The following PAPOLG variants were observed in gnomAD, a reference collection of about 807,000 sequenced individuals.
PAPOLG encodes poly(A) polymerase gamma, also known as PAP-gamma.
A neutral mutation model predicts 99.0 loss-of-function variants in PAPOLG; 40 were observed. That is an observed-to-expected ratio of 0.40 (90% confidence interval 0.31 to 0.53). The LOEUF is 0.53. Among genes scored for constraint, PAPOLG ranks in the 20% least tolerant of loss-of-function variants. The probability of loss-of-function intolerance (pLI) is 0.41; values close to 1 mark genes in which losing one functional copy is unlikely to be tolerated. For missense variants in PAPOLG, 675 were observed against 884.1 expected (o/e 0.76, Z 3.00); for synonymous variants, 310 against 299.3 (o/e 1.04, Z -0.37).
intron 6 of PAPOLG, 63 bp downstream of exon 6, chr2:60,770,574 T>A: frequency 1.8e-6 from 2 of 1,100,020 alleles, no homozygotes; most frequent in Non-Finnish European, 2.6e-6. Context: ...GTTTGTTTTC[T>A]GAAATCAGGC....
chr2:60,784,467 A>G (rs1219545309), intron 13 of PAPOLG, among the ~76,000 whole-genome samples: 1 of 152,186 alleles, frequency 6.6e-6, no homozygotes, highest in African/African-American at 2.4e-5. Flanking sequence ...TGCCTCTACT[A>G]TATTCACATC....
At chr2:60,777,665 T>G (rs1203032438) in intron 8 of PAPOLG, among the ~76,000 whole-genome samples, 1 of 152,194 alleles carries the variant, frequency 6.6e-6, no homozygotes, top group East Asian at 1.9e-4. Context: ...TTTTCTAGTT[T>G]TTGATTTAAA....
intron 1 of PAPOLG, among the ~76,000 whole-genome samples, chr2:60,757,020 A>G (rs77149639): frequency 0.014 from 2,129 of 152,040 alleles, 37 homozygotes; most frequent in Middle Eastern, 0.048. Context: ...CCTACCCACA[A>G]CATCTACCGG....
intron 3 of PAPOLG, 83 bp downstream of exon 3, chr2:60,761,890 G>T: frequency 2.0e-6 from 2 of 995,624 alleles, no homozygotes; most frequent in Non-Finnish European, 3.1e-6. Flanking sequence ...GTGTTGAGAA[G>T]TATCTGAAAT....
At chr2:60,761,277 T>TTAA (rs1315715868) in intron 2 of PAPOLG, among the ~76,000 whole-genome samples, 1 of 152,216 alleles carries the variant, frequency 6.6e-6, no homozygotes, top group Non-Finnish European at 1.5e-5. Context: ...ATAAGTTGTT[T>TTAA]TAATAATACC....
intron 14 of PAPOLG, 181 bp from the exon 15 acceptor site, chr2:60,787,330 C>T (rs1222182947): frequency 1.4e-5 from 5 of 355,858 alleles, no homozygotes; most frequent in Non-Finnish European, 1.6e-5. Context: ...CTTAATCCTT[C>T]TCAGAACAAC....
chr2:60,780,584 C>A (rs1302023822), intron 9 of PAPOLG, 123 bp from the exon 10 acceptor site: 2 of 1,049,324 alleles, frequency 1.9e-6, no homozygotes, highest in Non-Finnish European at 2.8e-6. Context: ...CCTTTTTTTC[C>A]TTTAATACCA....
At chr2:60,768,228 A>G (rs527897838) in intron 3 of PAPOLG, among the ~76,000 whole-genome samples, 1 of 152,260 alleles carries the variant, frequency 6.6e-6, no homozygotes, top group Admixed American at 6.5e-5. Context: ...CAGCCTACCA[A>G]GCAGCTGGGA....
intron 15 of PAPOLG, 25 bp from the exon 16 acceptor site, chr2:60,791,736 A>T: frequency 6.4e-7 from 1 of 1,574,456 alleles, no homozygotes. Flanking sequence ...GAAGTTTCCC[A>T]TTTAACATAT....
intron 3 of PAPOLG, among the ~76,000 whole-genome samples, chr2:60,764,696 G>A (rs1359279421): frequency 6.6e-6 from 1 of 152,122 alleles, no homozygotes; most frequent in Non-Finnish European, 1.5e-5. Flanking sequence ...AAAGTGCTAG[G>A]ATTATAGGCA....
At chr2:60,787,107 G>A in intron 14 of PAPOLG, 41 bp downstream of exon 14, 1 of 1,483,442 alleles carries the variant, frequency 6.7e-7, no homozygotes, top group Non-Finnish European at 9.1e-7. Flanking sequence ...CTTAAATAAT[G>A]TTATTTGGTA....
At chr2:60,776,302 C>T (rs972884200) in intron 8 of PAPOLG, among the ~76,000 whole-genome samples, 2 of 151,578 alleles carry the variant, frequency 1.3e-5, no homozygotes. Context: ...ACCATGCTGT[C>T]AACAGCTGTG....
intron 15 of PAPOLG, among the ~76,000 whole-genome samples, chr2:60,791,293 A>G (rs1027630890): frequency 1.3e-5 from 2 of 151,806 alleles, no homozygotes; most frequent in African/African-American, 4.8e-5. Context: ...GCTTACGCCT[A>G]TAATCCCACC....
rs771418845 is a variant in PAPOLG, at chr2:60,771,623, C to G, written c.597C>G (p.Ser199Arg). Reference sequence around the variant, plus strand: ...GCCTTGATATAAGGTGTATTCGCAGCTTAAATGGTAAGCTTCTAAAAAGAA... The same window carrying G: ...GCCTTGATATAAGGTGTATTCGCAGGTTAAATGGTAAGCTTCTAAAAAGAA... The part of the protein sequence containing the change: ...LRSLDIRCIR[S>R]LNGCRVTDEI... The change falls in exon 7 of 22, where the codon AGC becomes AGG. Residue 199 changes from serine (S) to arginine (R), a missense_variant. Transcript: ENST00000238714. 1.9e-6 allele frequency: 3 copies of G among 1,593,870 alleles called. No homozygotes were observed. The highest frequency in any genetic ancestry group is 2.6e-6 in the Non-Finnish European group (3 of 1,175,294).
intron 17 of PAPOLG, among the ~76,000 whole-genome samples, chr2:60,792,813 A>G (rs1023439434): frequency 1.5e-4 from 23 of 152,314 alleles, no homozygotes; most frequent in East Asian, 3.9e-4. Flanking sequence ...AGGCGGGCAG[A>G]TCACCTGAGG....
intron 21 of PAPOLG, among the ~76,000 whole-genome samples, chr2:60,796,752 T>G (rs1671717371): frequency 1.3e-5 from 2 of 151,810 alleles, no homozygotes; most frequent in African/African-American, 4.8e-5. Flanking sequence ...CCTTAAGGAC[T>G]GTGTTCTTTA....
chr2:60,760,160 A>G lies in PAPOLG; in HGVS notation c.44A>G (p.Gln15Arg), dbSNP rs756734634. 1.9e-6 allele frequency: 3 copies of G among 1,614,080 alleles called. No homozygotes were observed. Among genetic ancestry groups the G allele is most frequent in the Non-Finnish European group, 2.5e-6 (3 of 1,179,986 alleles). Residue 15 changes from glutamine (Q) to arginine (R), a missense_variant, in exon 2 of 22, where the codon CAA (glutamine) becomes CGA (arginine). Around this residue, in one of 3 missense-constraint regions of PAPOLG, gnomAD observed 149 missense variants for 192.1 expected, o/e 0.78. Coordinates refer to ENST00000238714, the MANE Select transcript of PAPOLG (RefSeq NM_022894.4). ...SANTVLDSQR[Q>R]QKHYGITSPI... ...AACACCGTGCTGGACAGCCAGCGTC[A>G]ACAAAAGCATTATGGAATTACCTCC... is the stretch of plus-strand genomic sequence containing the variant.
At chr2:60,791,653 C>T (rs11695223) in intron 15 of PAPOLG, 108 bp from the exon 16 acceptor site, 425,097 of 1,339,790 alleles carry the variant, frequency 0.32, 69,794 homozygotes, top group African/African-American at 0.43. Flanking sequence ...GGTGGGTGGC[C>T]GGTGGTGATA....
At chr2:60,791,926 A>T (rs1237246321) in intron 16 of PAPOLG, 44 bp downstream of exon 16, 9 of 1,587,982 alleles carry the variant, frequency 5.7e-6, no homozygotes, top group Non-Finnish European at 7.7e-6. Flanking sequence ...TTACTCAGAC[A>T]AATGATCTGG....
Sources: gnomAD v4.1 joint callset for allele counts (sites outside exome capture counted in the v4.1 genomes callset) on GRCh38, gnomAD v4.1.1 for gene constraint, gnomAD v4.1.1 regional missense constraint, MANE v1.5 for transcripts, NCBI Gene and HGNC (gene_info 2026-07-23, HGNC 2026-07-21) for gene names.